Variants in MTURN observed in about 807,000 individuals in gnomAD.
MTURN encodes maturin, neural progenitor differentiation regulator homolog.
Under a neutral mutation model 14.9 loss-of-function variants are expected in MTURN, and 7 were observed. That is an observed-to-expected ratio of 0.47 (90% CI 0.27 to 0.88). The LOEUF is 0.88. Ranked by LOEUF, MTURN falls within the 40% of genes least tolerant of loss-of-function variation. MTURN has a pLI of 0.14. For missense variants in MTURN, 151 were observed against 174.1 expected (o/e 0.87, Z 0.75); for synonymous variants, 69 against 72.5 (o/e 0.95, Z 0.25).
At chr7:30,154,523 T>G in intron 2 of MTURN, among the ~76,000 whole-genome samples, 1 of 152,192 alleles carries the variant, frequency 6.6e-6, no homozygotes, top group East Asian at 1.9e-4. Context: ...AGTTTGCAGA[T>G]CATGGCTGCC....
intron 2 of MTURN, among the ~76,000 whole-genome samples, chr7:30,152,102 G>A (rs1797220814): frequency 6.6e-6 from 1 of 151,868 alleles, no homozygotes; most frequent in Admixed American, 6.6e-5. Context: ...CACACATGTG[G>A]GTTTCATAAT....
At chr7:30,142,600 C>G (rs945757902) in intron 1 of MTURN, among the ~76,000 whole-genome samples, 1 of 152,152 alleles carries the variant, frequency 6.6e-6, no homozygotes. Context: ...AACTGATTAC[C>G]AAGCAGAGGT....
chr7:30,141,668 G>A lies in MTURN; in HGVS notation c.163-4509G>A, dbSNP rs148070906. ...CTGGCAAGTAGCCAGGACTACAGGT[G>A]CGCACCACCACACCCAGCTATTTTT... On this transcript the variant is annotated intron_variant, in intron 1 of 2. Transcript: ENST00000324453. Among the ~76,000 whole-genome samples, 47 of 152,172 alleles carry A rather than the reference G, an allele frequency of 3.1e-4. No homozygotes were observed. The East Asian group carries it at 8.9e-3, about 29-fold the overall frequency.
chr7:30,140,125 T>G (rs895085691), intron 1 of MTURN, among the ~76,000 whole-genome samples: 5 of 152,122 alleles, frequency 3.3e-5, no homozygotes, highest in African/African-American at 1.2e-4. Context: ...TTCCTTGTCT[T>G]AGGCCACGAG....
chr7:30,155,444 CT>C (rs1797272799), intron 2 of MTURN, among the ~76,000 whole-genome samples: 1 of 152,206 alleles, frequency 6.6e-6, no homozygotes, highest in South Asian at 2.1e-4. Flanking sequence ...TGCCTTACGA[CT>C]AGTCATCTTT....
At chr7:30,135,420 G>A in intron 1 of MTURN, 122 bp downstream of exon 1, 1 of 783,232 alleles carries the variant, frequency 1.3e-6, no homozygotes, top group Non-Finnish European at 1.6e-6. Context: ...CGTAACCCGC[G>A]CCCCGCGCCC....
At position 30,159,435 on chromosome 7, in the gene MTURN, G is replaced by A. The variant is rs774903524; in HGVS notation, c.*1887G>A. The A allele has an allele frequency of 6.6e-6, 1 of 152,278 alleles. No individual in the cohort carries two copies. The highest frequency in any genetic ancestry group is 1.5e-5 in the Non-Finnish European group (1 of 68,032). The allele number at this position is 152,278 out of a possible 1,614,324, so 9.4% of individuals were successfully genotyped here. On this transcript the variant is annotated 3_prime_UTR_variant, in exon 3 of 3. Coordinates refer to ENST00000324453, the MANE Select transcript of MTURN (RefSeq NM_152793.3). Reference sequence around the variant, plus strand: ...GAAGCTTCACTAGCTTGCTCCATTGGAAGGTAAACTGAAATTTTATACGTT... The same window carrying A: ...GAAGCTTCACTAGCTTGCTCCATTGAAAGGTAAACTGAAATTTTATACGTT...
At chr7:30,137,053 A>G (rs1796974783) in intron 1 of MTURN, among the ~76,000 whole-genome samples, 1 of 152,200 alleles carries the variant, frequency 6.6e-6, no homozygotes, top group African/African-American at 2.4e-5. Flanking sequence ...AAGTAAGTAA[A>G]TAAGTGTTCT....
chr7:30,158,802 C>G lies in MTURN; in HGVS notation c.*1254C>G, dbSNP rs183419998. 1 of 152,286 alleles carries G rather than the reference C, an allele frequency of 6.6e-6. No homozygotes were observed. The highest frequency in any genetic ancestry group is 1.9e-4 in the East Asian group (1 of 5,188). The allele number at this position is 152,286 out of a possible 1,614,324, so 9.4% of individuals were successfully genotyped here. On this transcript the variant is annotated 3_prime_UTR_variant, in exon 3 of 3. Transcript: ENST00000324453. ...GAATTATTCCTGGACCCTTCTGCAT[C>G]CCTGGTTTTAGTTAACCTAGGATGC...
chr7:30,145,072 G>A (rs971422053), intron 1 of MTURN, among the ~76,000 whole-genome samples: 1 of 151,816 alleles, frequency 6.6e-6, no homozygotes, highest in Admixed American at 6.6e-5. Flanking sequence ...TGCAGGGCAG[G>A]GTATTCTGCA....
intron 1 of MTURN, among the ~76,000 whole-genome samples, chr7:30,140,407 G>GTATATATATATATATA (rs1242302300): frequency 3.7e-5 from 1 of 26,724 alleles, no homozygotes; most frequent in African/African-American, 7.5e-5. Context: ...GTGTGTGTGT[G>GTATATATATATATATA]TGTGTGTGTA....
At chr7:30,144,869 CT>C (rs1257444420) in intron 1 of MTURN, among the ~76,000 whole-genome samples, 1 of 150,368 alleles carries the variant, frequency 6.7e-6, no homozygotes, top group African/African-American at 2.4e-5. Flanking sequence ...ATCCTGCTAT[CT>C]GGCCGCTGCA....
In MTURN at chr7:30,145,730, T is replaced by C. The variant is rs1352473758; in HGVS notation, c.163-447T>C. 6 of 1,182,790 alleles carry C rather than the reference T, an allele frequency of 5.1e-6. No individual in the cohort carries two copies. The African/African-American group carries it at 9.3e-5, about 18-fold the overall frequency. 73.3% of individuals were successfully genotyped at this position (1,182,790 alleles called of 1,614,324 possible). The stretch of plus-strand genomic sequence containing the variant: ...CTCACAGGCCGATCTGGGTAAAGAA[T>C]GTCTTGTTCCAAGTTAATGCTTACA... On this transcript the variant is annotated intron_variant, in intron 1 of 2. Transcript: ENST00000324453.
At chr7:30,135,598 G>C (rs1175295377) in intron 1 of MTURN, among the ~76,000 whole-genome samples, 2 of 152,106 alleles carry the variant, frequency 1.3e-5, no homozygotes, top group African/African-American at 4.8e-5. Flanking sequence ...TGCGGGCGCC[G>C]TTTCGGGAAC....
At chr7:30,136,191 T>A (rs1796957590) in intron 1 of MTURN, among the ~76,000 whole-genome samples, 2 of 152,146 alleles carry the variant, frequency 1.3e-5, no homozygotes, top group Admixed American at 1.3e-4. Flanking sequence ...CAGCCCCGGC[T>A]CAGAGGGACC....
In MTURN at chr7:30,150,794, C is replaced by T. The variant is rs139845523; in HGVS notation, c.285+4495C>T. Among the ~76,000 whole-genome samples the T allele has an allele frequency of 3.1e-3, 473 of 152,326 alleles. 3 individuals carry two copies. The highest frequency in any genetic ancestry group is 9.6e-3 in the African/African-American group (397 of 41,564). On this transcript the variant is annotated intron_variant, in intron 2 of 2. Transcript: ENST00000324453. ...GCGTCCATCTTGGCTGCCTCAGCTC[C>T]GTTTCCTTAGAAATGGCTCCATGTG...
chr7:30,146,248 C>A lies in MTURN; in HGVS notation c.234C>A (p.Gly78=). 1 of 1,614,140 alleles carries A rather than the reference C, an allele frequency of 6.2e-7. No individual in the cohort carries two copies. The highest frequency in any genetic ancestry group is 8.5e-7 in the Non-Finnish European group (1 of 1,180,044). ...CACAGGATTACATCTCCTCCTGCGG[C>A]AAGAAGACGCTCCACGAAGTCCTGG... The part of the protein sequence containing the change: ...QLAQDYISSC[G]KKTLHEVLEK... The change falls in exon 2 of 3, where the codon GGC becomes GGA. Residue 78 remains glycine, a synonymous_variant. Coordinates refer to ENST00000324453, the MANE Select transcript of MTURN (RefSeq NM_152793.3).
At position 30,158,656 on chromosome 7, in the gene MTURN, G is replaced by A. The variant is rs1185501243; in HGVS notation, c.*1108G>A. ...TGGGTTAGCTTGGTTAACAGGGAAC[G>A]TTTTAATAATCAAGATACTCAGACA... is the stretch of plus-strand genomic sequence containing the variant. On this transcript the variant is annotated 3_prime_UTR_variant, in exon 3 of 3. Transcript: ENST00000324453. 2 of 152,158 alleles carry A rather than the reference G, an allele frequency of 1.3e-5. No homozygotes were observed. The highest frequency in any genetic ancestry group is 6.5e-5 in the Admixed American group (1 of 15,282). 9.4% of individuals were successfully genotyped at this position (152,158 alleles called of 1,614,324 possible).
intron 2 of MTURN, among the ~76,000 whole-genome samples, chr7:30,152,195 T>G (rs1252963198): frequency 2.0e-5 from 3 of 150,792 alleles, no homozygotes; most frequent in Non-Finnish European, 4.5e-5. Context: ...TTCAAACCAT[T>G]CTCTTTTTTA....
Sources: allele counts gnomAD v4.1 joint callset (sites outside exome capture counted in the v4.1 genomes callset), GRCh38; gene constraint gnomAD v4.1.1; transcripts MANE v1.5; gene names NCBI Gene and HGNC (gene_info 2026-07-23, HGNC 2026-07-21).